The following COL5A2 variants were observed in gnomAD, a reference collection of about 807,000 sequenced individuals.
The protein encoded by COL5A2 is collagen alpha-2(V) chain.
COL5A2 carries 23 observed loss-of-function variants against 208.2 expected under a neutral mutation model. The observed-to-expected ratio is 0.11, with a 90% confidence interval of 0.08 to 0.16. The LOEUF is 0.16. Among genes scored for constraint, COL5A2 ranks in the 10% least tolerant of loss-of-function variants. The probability of loss-of-function intolerance (pLI) is 1.00; values close to 1 mark genes in which losing one functional copy is unlikely to be tolerated. For missense variants in COL5A2, 1,590 were observed against 1,956.4 expected (o/e 0.81, Z 3.53); for synonymous variants, 625 against 628.5 (o/e 0.99, Z 0.08).
At chr2:189,080,142 T>G (rs1163051897) in intron 13 of COL5A2, 111 bp from the exon 14 acceptor site, 1 of 782,562 alleles carries the variant, frequency 1.3e-6, no homozygotes. Flanking sequence ...GAATATCAAA[T>G]TTAAAGTTGT....
the COL5A2 span, among the ~76,000 whole-genome samples, chr2:189,302,516 A>G: frequency 6.6e-6 from 1 of 152,106 alleles, no homozygotes; most frequent in Non-Finnish European, 1.5e-5. Context: ...ATTCTTGCCC[A>G]ACAACCCTGA....
At chr2:189,114,820 A>G (rs1687356822) in intron 1 of COL5A2, among the ~76,000 whole-genome samples, 2 of 152,000 alleles carry the variant, frequency 1.3e-5, no homozygotes, top group African/African-American at 4.8e-5. Flanking sequence ...TACCTATGTA[A>G]CAAACCTGCA....
chr2:189,325,243 A>C, the COL5A2 span, among the ~76,000 whole-genome samples: 2 of 151,866 alleles, frequency 1.3e-5, no homozygotes, highest in African/African-American at 4.8e-5. Context: ...TGCAGCACAC[A>C]AACATGGCAC....
the COL5A2 span, among the ~76,000 whole-genome samples, chr2:189,250,940 T>C: frequency 6.6e-6 from 1 of 152,166 alleles, no homozygotes; most frequent in South Asian, 2.1e-4. Flanking sequence ...GGAATCATGA[T>C]GTGAATTTTT....
chr2:189,389,818 G>A, the COL5A2 span, among the ~76,000 whole-genome samples: 1 of 152,112 alleles, frequency 6.6e-6, no homozygotes, highest in Non-Finnish European at 1.5e-5. Flanking sequence ...CACTGCAATG[G>A]ACAATGTTAA....
chr2:189,208,222 A>C (rs375655046), intron 1 of COL5A2, among the ~76,000 whole-genome samples: 25 of 152,266 alleles, frequency 1.6e-4, no homozygotes, highest in African/African-American at 5.5e-4. Context: ...ATTCCAGTTC[A>C]AAAGTCACTT....
the COL5A2 span, among the ~76,000 whole-genome samples, chr2:189,367,619 CAGAGCTTAGCTCCA>C: frequency 6.6e-6 from 1 of 152,158 alleles, no homozygotes; most frequent in Non-Finnish European, 1.5e-5. Context: ...GCTTCTTCCC[CAGAGCTTAGCTCCA>C]AGACAAGCAT....
intron 38 of COL5A2, 118 bp from the exon 39 acceptor site, chr2:189,053,136 G>A: frequency 1.1e-6 from 1 of 896,510 alleles, no homozygotes; most frequent in Non-Finnish European, 1.7e-6. Flanking sequence ...TTTATAATCA[G>A]TATTAAAGCA....
intron 2 of COL5A2, among the ~76,000 whole-genome samples, chr2:189,106,652 T>C (rs1008174796): frequency 7.3e-5 from 11 of 151,356 alleles, no homozygotes; most frequent in African/African-American, 2.7e-4. Flanking sequence ...GTAATGGTGA[T>C]AATGGATACT....
chr2:189,313,638 A>C, the COL5A2 span, among the ~76,000 whole-genome samples: 677 of 152,336 alleles, frequency 4.4e-3, 3 homozygotes, highest in Admixed American at 8.9e-3. Context: ...ATTAAAAGAC[A>C]CAGAGTGACA....
At chr2:189,118,250 T>C (rs1687434543) in intron 1 of COL5A2, among the ~76,000 whole-genome samples, 1 of 152,032 alleles carries the variant, frequency 6.6e-6, no homozygotes, top group African/African-American at 2.4e-5. Flanking sequence ...AAAGAACATA[T>C]ATTTTTACTC....
intron 53 of COL5A2, 89 bp downstream of exon 53, chr2:189,034,827 T>C (rs1685410021): frequency 1.3e-6 from 2 of 1,501,222 alleles, no homozygotes; most frequent in South Asian, 1.2e-5. Flanking sequence ...CAAGGTAAAA[T>C]TGCCCCCAGT....
chr2:189,063,367 A>C, intron 26 of COL5A2, 97 bp from the exon 27 acceptor site: 1 of 1,002,272 alleles, frequency 1.0e-6, no homozygotes, highest in East Asian at 2.4e-5. Context: ...ATGTTACATA[A>C]ATTTTAAATT....
the COL5A2 span, among the ~76,000 whole-genome samples, chr2:189,367,875 C>T: frequency 1.3e-5 from 2 of 152,114 alleles, no homozygotes; most frequent in South Asian, 2.1e-4. Flanking sequence ...TACATTATTA[C>T]TGAAAATAAG....
the COL5A2 span, among the ~76,000 whole-genome samples, chr2:189,402,422 T>C: frequency 3.3e-4 from 50 of 152,340 alleles, no homozygotes; most frequent in South Asian, 4.1e-3. Flanking sequence ...GGTTTCATCA[T>C]GTTGGCCTGG....
chr2:189,415,144 T>C, the COL5A2 span, among the ~76,000 whole-genome samples: 1 of 152,172 alleles, frequency 6.6e-6, no homozygotes, highest in African/African-American at 2.4e-5. Context: ...GATATAAACT[T>C]TCCTCTGAAT....
intron 1 of COL5A2, among the ~76,000 whole-genome samples, chr2:189,123,884 A>G (rs1383970811): frequency 6.6e-6 from 1 of 152,090 alleles, no homozygotes; most frequent in East Asian, 1.9e-4. Context: ...TAAAAAAAAT[A>G]TACGCCCATA....
Position 189,171,884 on chromosome 2 carries a change from GAGA to G in COL5A2, c.97+7621_97+7623del, listed in dbSNP as rs148384628. ...AGAAAAGCAAAATGCTACAGGAAAA[GAGA>G]AGAAGGAGCCCATGGATGAAGCTGA... On this transcript the variant is annotated intron_variant, in intron 1 of 53. Coordinates refer to ENST00000374866, the MANE Select transcript of COL5A2 (RefSeq NM_000393.5). Among the ~76,000 whole-genome samples the G allele has an allele frequency of 4.9e-4, 74 of 152,292 alleles. No homozygotes were observed. In the East Asian group the frequency reaches 9.6e-3, roughly 20 times the overall value.
At chr2:189,377,758 A>G in the COL5A2 span, among the ~76,000 whole-genome samples, 1 of 152,210 alleles carries the variant, frequency 6.6e-6, no homozygotes, top group Non-Finnish European at 1.5e-5. Flanking sequence ...TTATGAATAT[A>G]AAACTGAGAG....
Sources: allele counts gnomAD v4.1 joint callset (sites outside exome capture counted in the v4.1 genomes callset), GRCh38; gene constraint gnomAD v4.1.1; transcripts MANE v1.5; gene names NCBI Gene and HGNC (gene_info 2026-07-23, HGNC 2026-07-21).